The following SPRED2 variants were observed in gnomAD, a reference collection of about 807,000 sequenced individuals.
The protein encoded by SPRED2 is sprouty related EVH1 domain containing 2.
Under a neutral mutation model 43.0 loss-of-function variants are expected in SPRED2, and 47 were observed. The observed-to-expected ratio is 1.09, with a 90% CI of 0.87 to 1.40. The LOEUF is 1.40. Ranked by LOEUF, SPRED2 falls within the 40% of genes most tolerant of loss-of-function variation. The probability of loss-of-function intolerance (pLI) is 0.00; values close to 1 mark genes in which losing one functional copy is unlikely to be tolerated. For synonymous variants in SPRED2, 225 were observed against 225.7 expected (o/e 1.00, Z 0.03); for missense variants, 561 against 586.4 (o/e 0.96, Z 0.45).
chr2:65,327,876 A>G (rs1673686997), intron 4 of SPRED2, among the ~76,000 whole-genome samples: 1 of 151,514 alleles, frequency 6.6e-6, no homozygotes, highest in Non-Finnish European at 1.5e-5. Context: ...GGGGCCCGCC[A>G]TCATGCCTGG....
chr2:65,352,171 G>C (rs1443248169), intron 1 of SPRED2, among the ~76,000 whole-genome samples: 3 of 152,266 alleles, frequency 2.0e-5, no homozygotes, highest in African/African-American at 7.2e-5. Context: ...AAAGATGCCA[G>C]ATCTGGCAGT....
chr2:65,430,849 G>C (rs1174558487), intron 1 of SPRED2, among the ~76,000 whole-genome samples: 2 of 149,600 alleles, frequency 1.3e-5, no homozygotes, highest in East Asian at 4.2e-4. Flanking sequence ...TGACAATAAA[G>C]GAGCGCGTCT....
In SPRED2 at chr2:65,414,405, C is replaced by A. The variant is rs1014645555; in HGVS notation, c.26+17557G>T. ...GCCTTTGAGAACCACGGAGTATCATCGCCTATCATCAGTATAACCTCTGAA... is the reference window on the plus strand; with the variant it reads ...GCCTTTGAGAACCACGGAGTATCATAGCCTATCATCAGTATAACCTCTGAA... On this transcript the variant is annotated intron_variant, in intron 1 of 5. Transcript: ENST00000356388. Among the ~76,000 whole-genome samples the A allele has an allele frequency of 3.9e-5, 6 of 152,092 alleles. No homozygotes were observed. In the South Asian group the frequency reaches 6.2e-4, roughly 16 times the overall value.
intron 4 of SPRED2, among the ~76,000 whole-genome samples, chr2:65,319,362 C>T (rs1238352797): frequency 2.6e-5 from 4 of 152,184 alleles, no homozygotes; most frequent in African/African-American, 9.7e-5. Context: ...TTTCTGTAAT[C>T]AAGATCTAAG....
chr2:65,325,677 A>G (rs961844107), intron 4 of SPRED2, among the ~76,000 whole-genome samples: 1 of 152,212 alleles, frequency 6.6e-6, no homozygotes, highest in Non-Finnish European at 1.5e-5. Context: ...GCAGTGGCTC[A>G]TGCCTGTAAT....
chr2:65,308,601 G>GA, downstream of SPRED2: 1 of 984,956 alleles, frequency 1.0e-6, no homozygotes, highest in African/African-American at 1.7e-5. Context: ...ACTGAGAAAG[G>GA]AACTAGCATT....
intron 1 of SPRED2, 148 bp downstream of exon 1, chr2:65,431,814 G>A (rs565026224): frequency 9.5e-6 from 9 of 944,210 alleles, no homozygotes; most frequent in East Asian, 7.6e-5. Context: ...AACAAGCAGG[G>A]AAGCCTCGCG....
rs548444588 is a variant in SPRED2 at position 65,316,871 on chromosome 2, T to A, written c.451A>T (p.Ser151Cys). ...CTCTTCTGAGAGGAATTAGAAGAACTGTCTGTAGCTGTCTGTGTAGAGGGA... is the reference window on the plus strand; with the variant it reads ...CTCTTCTGAGAGGAATTAGAAGAACAGTCTGTAGCTGTCTGTGTAGAGGGA... Reference protein sequence around the residue: ...DDDVFTTATDSSSNSSQKREQ... With the variant: ...DDDVFTTATDCSSNSSQKREQ... The change falls in exon 5 of 6, where the codon AGT (serine) becomes TGT (cysteine). Residue 151 changes from serine to cysteine, a missense_variant. Around this residue, in one of 6 missense-constraint regions of SPRED2, gnomAD observed 305 missense variants for 282.4 expected, o/e 1.08. Transcript: ENST00000356388. 1.2e-5 allele frequency: 19 copies of A among 1,613,740 alleles called. No homozygotes were observed. Among genetic ancestry groups the A allele is most frequent in the Non-Finnish European group, 1.6e-5 (19 of 1,179,920 alleles).
chr2:65,325,093 T>C (rs1673568139), intron 4 of SPRED2, among the ~76,000 whole-genome samples: 1 of 152,218 alleles, frequency 6.6e-6, no homozygotes, highest in African/African-American at 2.4e-5. Flanking sequence ...ATCCAGTACA[T>C]GGGTGAGACT....
intron 1 of SPRED2, among the ~76,000 whole-genome samples, chr2:65,428,860 T>C (rs1280463417): frequency 6.6e-6 from 1 of 152,208 alleles, no homozygotes; most frequent in African/African-American, 2.4e-5. Flanking sequence ...AGTGACAAAA[T>C]AGGTATGGAT....
intron 1 of SPRED2, among the ~76,000 whole-genome samples, chr2:65,408,333 T>A (rs904626673): frequency 6.6e-6 from 1 of 152,170 alleles, no homozygotes; most frequent in Admixed American, 6.5e-5. Flanking sequence ...ACAAGAAAGC[T>A]AAAGTTTGGG....
chr2:65,431,665 G>T (rs921403921), intron 1 of SPRED2, among the ~76,000 whole-genome samples: 1 of 152,118 alleles, frequency 6.6e-6, no homozygotes, highest in Non-Finnish European at 1.5e-5. Context: ...GGGGGCGGGG[G>T]AGCTGTAAGT....
At chr2:65,357,173 C>T (rs1158546657) in intron 1 of SPRED2, among the ~76,000 whole-genome samples, 1 of 152,180 alleles carries the variant, frequency 6.6e-6, no homozygotes, top group East Asian at 1.9e-4. Flanking sequence ...GCAAGAATTA[C>T]TAATGCATTT....
intron 1 of SPRED2, among the ~76,000 whole-genome samples, chr2:65,364,107 C>A (rs747167266): frequency 3.9e-5 from 6 of 152,166 alleles, no homozygotes; most frequent in Non-Finnish European, 7.3e-5. Flanking sequence ...TGATTTCCAT[C>A]CAAGCAGAGT....
chr2:65,341,500 G>A (rs11694684), intron 2 of SPRED2, among the ~76,000 whole-genome samples: 10,769 of 152,162 alleles, frequency 0.071, 486 homozygotes, highest in Middle Eastern at 0.15. Flanking sequence ...AAGTTAGTGT[G>A]AAGGGACAGG....
rs764371632 is a variant in SPRED2, at chr2:65,310,853, T to C, written c.*2648A>G. The C allele has an allele frequency of 5.7e-5, 56 of 984,948 alleles. No homozygotes were observed. Among genetic ancestry groups the C allele is most frequent in the Non-Finnish European group, 6.8e-5 (56 of 829,234 alleles). The allele number at this position is 984,948 out of a possible 1,614,324, so 61.0% of individuals were successfully genotyped here. On this transcript the variant is annotated 3_prime_UTR_variant, in exon 6 of 6. Coordinates refer to ENST00000356388, the MANE Select transcript of SPRED2 (RefSeq NM_181784.3). Reference sequence around the variant, plus strand: ...GACAAATACCCCAAAGCCAGCGATCTGATAGGATGTGTTTATATTTACACG... The same window carrying C: ...GACAAATACCCCAAAGCCAGCGATCCGATAGGATGTGTTTATATTTACACG...
In SPRED2 at chr2:65,313,909, G is replaced by A; in HGVS notation, c.849C>T (p.Arg283=). 1.2e-6 allele frequency: 2 copies of A among 1,610,288 alleles called. No homozygotes were observed. The stretch of plus-strand genomic sequence containing the variant: ...GCTGCGTCTTGATCACGCTGCCCCC[G>A]CGGCCTTTGGGGTCCTCGCCTAGGC... ...DFGLGEDPKG[R]GGSVIKTQPS... is the part of the protein sequence containing the mutation. Residue 283 remains arginine (R), a synonymous_variant, in exon 6 of 6, where the codon CGC becomes CGT. Coordinates refer to ENST00000356388, the MANE Select transcript of SPRED2 (RefSeq NM_181784.3).
intron 4 of SPRED2, among the ~76,000 whole-genome samples, chr2:65,329,590 C>T (rs985289894): frequency 2.6e-5 from 4 of 152,150 alleles, no homozygotes; most frequent in Non-Finnish European, 4.4e-5. Context: ...ACATGGATCC[C>T]CCGTGGATTA....
At chr2:65,393,425 G>A (rs374232753) in intron 1 of SPRED2, among the ~76,000 whole-genome samples, 5 of 150,076 alleles carry the variant, frequency 3.3e-5, no homozygotes, top group East Asian at 2.0e-4. Context: ...TTCACCTCCC[G>A]GGTTCAAGTG....
Sources: gnomAD v4.1 joint callset for allele counts (sites outside exome capture counted in the v4.1 genomes callset) on GRCh38, gnomAD v4.1.1 for gene constraint, gnomAD v4.1.1 regional missense constraint, MANE v1.5 for transcripts, NCBI Gene and HGNC (gene_info 2026-07-23, HGNC 2026-07-21) for gene names.